The following TRIM58 variants were observed in gnomAD, a reference collection of about 807,000 sequenced individuals.
TRIM58 encodes E3 ubiquitin-protein ligase TRIM58.
TRIM58 carries 38 observed loss-of-function variants against 34.1 expected under a neutral mutation model. The observed-to-expected ratio is 1.12, with a 90% confidence interval of 0.86 to 1.46. TRIM58 has a LOEUF of 1.46. TRIM58 is among the 40% of genes most tolerant of loss of function. The pLI, the probability that TRIM58 is intolerant of heterozygous loss-of-function variation, is 0.00. For synonymous variants in TRIM58, 273 were observed against 275.7 expected (o/e 0.99, Z 0.10); for missense variants, 677 against 642.0 (o/e 1.05, Z -0.59).
intron 3 of TRIM58, among the ~76,000 whole-genome samples, chr1:247,866,175 TC>T (rs1321345541): frequency 1.1e-4 from 16 of 152,052 alleles, no homozygotes; most frequent in African/African-American, 3.4e-4. Flanking sequence ...CGGTTTCTTT[TC>T]TTTTGTTTTT....
At position 247,857,330 on chromosome 1, in the gene TRIM58, C is replaced by T; in HGVS notation, c.84C>T (p.Ser28=). 6.8e-7 allele frequency: 1 copy of T among 1,479,366 alleles called. No homozygotes were observed. 91.6% of individuals were successfully genotyped at this position (1,479,366 alleles called of 1,614,324 possible). The stretch of plus-strand genomic sequence containing the variant: ...TGGATTTCCTGCAGGAGCCGGTCAG[C>T]GTGGACTGCGGCCACAGCTTCTGCC... ...VCLDFLQEPV[S]VDCGHSFCLR... The change falls in exon 1 of 6, where the codon AGC becomes AGT. Residue 28 remains serine, a synonymous_variant. Transcript: ENST00000366481.
At chr1:247,872,366 T>A (rs1381538886) in intron 5 of TRIM58, among the ~76,000 whole-genome samples, 1 of 152,068 alleles carries the variant, frequency 6.6e-6, no homozygotes. Flanking sequence ...ATGGACAGAT[T>A]TTTGTTATAT....
chr1:247,857,364 A>C lies in TRIM58; in HGVS notation c.118A>C (p.Ile40Leu), dbSNP rs1663655753. Residue 40 changes from isoleucine (I) to leucine (L), a missense_variant, in exon 1 of 6, where the codon ATC becomes CTC. Transcript: ENST00000366481. ...DCGHSFCLRC[I>L]SEFCEKSDGA... is the part of the protein sequence containing the mutation. ...CGGCCACAGCTTCTGCCTCAGGTGC[A>C]TCTCCGAGTTCTGCGAGAAGTCGGA... The C allele has an allele frequency of 6.6e-7, 1 of 1,524,140 alleles. No homozygotes were observed. The highest frequency in any genetic ancestry group is 8.8e-7 in the Non-Finnish European group (1 of 1,134,462). 94.4% of individuals were successfully genotyped at this position (1,524,140 alleles called of 1,614,324 possible).
rs775669996 is a variant in TRIM58, at chr1:247,876,286, G to A, written c.1258G>A (p.Gly420Ser). ...TGGGATTTTCTTGGACTATGAAGCC[G>A]GTGAAATTTCATTCTACAATGTCAC... ...CIGIFLDYEA[G>S]EISFYNVTDG... Residue 420 changes from glycine to serine, a missense_variant, in exon 6 of 6, where the codon GGT (glycine) becomes AGT (serine). By Grantham distance (56) the Gly-to-Ser change is moderately conservative. Transcript: ENST00000366481. 4 of 1,614,116 alleles carry A rather than the reference G, an allele frequency of 2.5e-6. No individual in the cohort carries two copies. The highest frequency in any genetic ancestry group is 1.7e-5 in the Admixed American group (1 of 60,022).
In TRIM58 at chr1:247,876,568, A is replaced by G; in HGVS notation, c.*79A>G. 9.2e-7 allele frequency: 1 copy of G among 1,087,014 alleles called. No homozygotes were observed. Among genetic ancestry groups the G allele is most frequent in the Non-Finnish European group, 1.3e-6 (1 of 761,738 alleles). 67.3% of individuals were successfully genotyped at this position (1,087,014 alleles called of 1,614,324 possible). A position where few individuals can be genotyped will look rare whatever the true frequency, so the allele number is the denominator to read the frequency against. ...GAAGGATATCAATATACTAAGTTTT[A>G]ACAGATACCCCATTTAGGTCAGCAC... On this transcript the variant is annotated 3_prime_UTR_variant, in exon 6 of 6. Transcript: ENST00000366481.
chr1:247,858,917 T>C (rs963503881), intron 1 of TRIM58, among the ~76,000 whole-genome samples: 18 of 151,900 alleles, frequency 1.2e-4, no homozygotes, highest in Middle Eastern at 6.8e-3. Context: ...CAGGTATGCG[T>C]CACCACACCC....
In TRIM58 at chr1:247,876,616, T is replaced by C. The variant is rs1382136399; in HGVS notation, c.*127T>C. The C allele has an allele frequency of 1.5e-6, 1 of 684,822 alleles. No homozygotes were observed. The highest frequency in any genetic ancestry group is 2.4e-6 in the Non-Finnish European group (1 of 410,696). 42.4% of individuals were successfully genotyped at this position (684,822 alleles called of 1,614,324 possible). ...CACTTGATTCGTTGTTGCTGTGAAA[T>C]ATGTCCATGGGACAAAAGAGGGAAT... On this transcript the variant is annotated 3_prime_UTR_variant, in exon 6 of 6. Transcript: ENST00000366481.
At chr1:247,868,561 G>C (rs999666500) in intron 5 of TRIM58, among the ~76,000 whole-genome samples, 3 of 152,132 alleles carry the variant, frequency 2.0e-5, no homozygotes, top group Non-Finnish European at 4.4e-5. Flanking sequence ...ATAGCACCAG[G>C]TTCCCCGGGT....
chr1:247,878,534 G>A lies in TRIM58; in HGVS notation c.*2045G>A, dbSNP rs902245166. ...TGTCCCTCTTCTTGGTGTTCCACAGGCCATGTGTGCCCTAGCCCTCGTTCA... is the reference window on the plus strand; with the variant it reads ...TGTCCCTCTTCTTGGTGTTCCACAGACCATGTGTGCCCTAGCCCTCGTTCA... On this transcript the variant is annotated 3_prime_UTR_variant, in exon 6 of 6. Coordinates refer to ENST00000366481, the MANE Select transcript of TRIM58 (RefSeq NM_015431.4). 6.6e-6 allele frequency among the ~76,000 whole-genome samples: 1 copy of A among 152,174 alleles called. No homozygotes were observed.
intron 5 of TRIM58, among the ~76,000 whole-genome samples, chr1:247,868,661 A>G (rs1246584941): frequency 6.6e-6 from 1 of 152,140 alleles, no homozygotes; most frequent in African/African-American, 2.4e-5. Context: ...CTGACTGTAA[A>G]CTGGGGTTCC....
chr1:247,876,553 AATATAC>A lies in TRIM58; in HGVS notation c.*65_*70del. ...TTCCTGGAGTGGGGTGAAGGATATC[AATATAC>A]TAAGTTTTAACAGATACCCCATTTA... is the stretch of plus-strand genomic sequence containing the variant. On this transcript the variant is annotated 3_prime_UTR_variant, in exon 6 of 6. Transcript: ENST00000366481. 7.6e-7 allele frequency: 1 copy of A among 1,307,346 alleles called. No individual in the cohort carries two copies. Among genetic ancestry groups the A allele is most frequent in the Admixed American group, 2.2e-5 (1 of 45,320 alleles). 81.0% of individuals were successfully genotyped at this position (1,307,346 alleles called of 1,614,324 possible).
rs1370558218 is a variant in TRIM58 at position 247,877,181 on chromosome 1, AACTC to A, written c.*693_*696del. ...TCATTCTTCTGAATCTAATATCACT[AACTC>A]CTAGACTTTTTCCGTTTTCTTTGGA... On this transcript the variant is annotated 3_prime_UTR_variant, in exon 6 of 6. Coordinates refer to ENST00000366481, the MANE Select transcript of TRIM58 (RefSeq NM_015431.4). The A allele has an allele frequency of 6.6e-6, 1 of 152,196 alleles. No homozygotes were observed. Among genetic ancestry groups the A allele is most frequent in the African/African-American group, 2.4e-5 (1 of 41,438 alleles). The allele number at this position is 152,196 out of a possible 1,614,324, so 9.4% of individuals were successfully genotyped here.
At chr1:247,874,954 A>G (rs1349650275) in intron 5 of TRIM58, among the ~76,000 whole-genome samples, 2 of 152,138 alleles carry the variant, frequency 1.3e-5, no homozygotes, top group African/African-American at 2.4e-5. Context: ...GTTGGGGGCT[A>G]TTCTCAGCTC....
intron 2 of TRIM58, among the ~76,000 whole-genome samples, chr1:247,862,928 AC>A (rs1217630498): frequency 6.6e-6 from 1 of 151,918 alleles, no homozygotes; most frequent in Non-Finnish European, 1.5e-5. Flanking sequence ...CCCACCTCAC[AC>A]CCCCTCGTGC....
chr1:247,859,918 C>T (rs1194571157), intron 1 of TRIM58, among the ~76,000 whole-genome samples: 1 of 151,976 alleles, frequency 6.6e-6, no homozygotes, highest in African/African-American at 2.4e-5. Context: ...TACATCAGCC[C>T]AGTTTTAATA....
intron 2 of TRIM58, among the ~76,000 whole-genome samples, chr1:247,863,162 A>C (rs1214194706): frequency 2.0e-5 from 3 of 152,226 alleles, no homozygotes; most frequent in South Asian, 2.1e-4. Context: ...AATGGAAGGA[A>C]GTAGTTAAGT....
intron 3 of TRIM58, among the ~76,000 whole-genome samples, chr1:247,866,908 C>T (rs899530726): frequency 1.9e-4 from 29 of 152,134 alleles, no homozygotes; most frequent in South Asian, 1.9e-3. Context: ...GCCTGACATT[C>T]CCATACAGGG....
At position 247,863,712 on chromosome 1, in the gene TRIM58, C is replaced by G. The variant is rs756402489; in HGVS notation, c.517-993C>G. Among the ~76,000 whole-genome samples the G allele has an allele frequency of 4.4e-4, 67 of 152,120 alleles. 1 individual carries two copies. Among genetic ancestry groups the G allele is most frequent in the Non-Finnish European group, 4.0e-4 (27 of 68,020 alleles). On this transcript the variant is annotated intron_variant, in intron 2 of 5. Transcript: ENST00000366481. ...TTGAGGGAATAATTTACCTCTCGTA[C>G]TCAGCTTAAAGTTAGTTTTCGATAT...
intron 4 of TRIM58, 32 bp from the exon 5 acceptor site, chr1:247,867,931 G>C: frequency 3.1e-6 from 5 of 1,613,346 alleles, no homozygotes; most frequent in Non-Finnish European, 4.2e-6. Flanking sequence ...GGAGAACCCT[G>C]CTGACTTCTG....
Sources: allele counts gnomAD v4.1 joint callset (sites outside exome capture counted in the v4.1 genomes callset), GRCh38; gene constraint gnomAD v4.1.1; transcripts MANE v1.5; gene names NCBI Gene and HGNC (gene_info 2026-07-23, HGNC 2026-07-21).